Variants in AKAP12 observed in about 807,000 individuals in gnomAD.
AKAP12 encodes A-kinase anchoring protein 12.
Under a neutral mutation model 79.9 loss-of-function variants are expected in AKAP12, and 32 were observed. The ratio of observed to expected loss-of-function variants is 0.40; its 90% CI spans 0.30 to 0.54. The LOEUF is 0.54. AKAP12 is among the 20% of genes least tolerant of loss of function. The pLI is 0.48. For synonymous variants in AKAP12, 808 were observed against 857.0 expected (o/e 0.94, Z 1.00); for missense variants, 2,074 against 2,177.0 (o/e 0.95, Z 0.94).
intron 3 of AKAP12, among the ~76,000 whole-genome samples, chr6:151,321,110 C>A (rs1777372710): frequency 6.6e-6 from 1 of 152,040 alleles, no homozygotes. Flanking sequence ...CCTCAGCCTC[C>A]CGAGTAGCTG....
chr6:151,240,213 C>T (rs1216198713), intron 1 of AKAP12, among the ~76,000 whole-genome samples, 154 bp downstream of exon 1: 2 of 151,842 alleles, frequency 1.3e-5, no homozygotes, highest in Non-Finnish European at 2.9e-5. Context: ...TGGGCGGCTG[C>T]CTGGACCTGG....
chr6:151,241,306 A>T (rs1333632966), intron 2 of AKAP12, among the ~76,000 whole-genome samples: 1 of 152,232 alleles, frequency 6.6e-6, no homozygotes, highest in Non-Finnish European at 1.5e-5. Context: ...AGGCAGAGAA[A>T]GCCTGGGGTG....
chr6:151,317,936 C>T (rs897526218), intron 3 of AKAP12, among the ~76,000 whole-genome samples: 28 of 152,318 alleles, frequency 1.8e-4, no homozygotes, highest in Admixed American at 1.6e-3. Flanking sequence ...TAGTGTCCAA[C>T]CAAATAGTCA....
chr6:151,243,756 G>A (rs1287632196), intron 2 of AKAP12, among the ~76,000 whole-genome samples: 1 of 152,172 alleles, frequency 6.6e-6, no homozygotes, highest in African/African-American at 2.4e-5. Context: ...AGACATGGCC[G>A]TTTCACAACT....
In AKAP12 at chr6:151,260,400, G is replaced by A. The variant is rs551969782; in HGVS notation, c.162+19676G>A. On this transcript the variant is annotated intron_variant, in intron 2 of 4. Transcript: ENST00000402676. ...GGGTATGATGAGATCACTGCAGTGT[G>A]ACAGGGGCCTTGGCTATGCTGCCGA... Among the ~76,000 whole-genome samples the A allele has an allele frequency of 2.0e-5, 3 of 152,310 alleles. No homozygotes were observed. The South Asian group carries it at 6.2e-4, about 32-fold the overall frequency.
intron 3 of AKAP12, 30 bp from the exon 4 acceptor site, chr6:151,348,681 C>CTCCCG: frequency 4.6e-6 from 1 of 218,350 alleles, no homozygotes; most frequent in South Asian, 5.0e-5. Flanking sequence ...TTTCTCTTCT[C>CTCCCG]CCCACCCCCC....
rs774562431 is a variant in AKAP12 at position 151,350,543 on chromosome 6, G to A, written c.2152G>A (p.Gly718Arg). 6 of 1,614,120 alleles carry A rather than the reference G, an allele frequency of 3.7e-6. No homozygotes were observed. The highest frequency in any genetic ancestry group is 2.2e-5 in the East Asian group (1 of 44,876). The change falls in exon 4 of 5, where the codon GGA (glycine) becomes AGA (arginine). Residue 718 changes from glycine to arginine, a missense_variant. Gly to Arg is a moderately radical substitution (Grantham distance 125, BLOSUM62 -2). This residue lies in a region of AKAP12 where 1,428 missense variants were observed against 1,451.0 expected (regional missense o/e 0.98). Transcript: ENST00000402676. This position sits in a 1 kb window ranked among gnomAD's most constrained non-coding sequence, Gnocchi z 4.8. ...AGACCACCAGAAAGCTGATGAGGCCGGAAAAGACAAAGAGACGGGGACAGA... is the reference window on the plus strand; with the variant it reads ...AGACCACCAGAAAGCTGATGAGGCCAGAAAAGACAAAGAGACGGGGACAGA... ...GGDHQKADEAGKDKETGTDGI... is the reference protein window; with the variant it reads ...GGDHQKADEARKDKETGTDGI...
chr6:151,294,745 C>T (rs1010715445), intron 2 of AKAP12, among the ~76,000 whole-genome samples: 1 of 152,174 alleles, frequency 6.6e-6, no homozygotes, highest in African/African-American at 2.4e-5. Flanking sequence ...AACATACTTT[C>T]CCAGAGAACT....
chr6:151,300,241 G>C (rs1776832286), intron 2 of AKAP12, among the ~76,000 whole-genome samples: 1 of 152,108 alleles, frequency 6.6e-6, no homozygotes, highest in Non-Finnish European at 1.5e-5. Flanking sequence ...GATCATTTGT[G>C]GGTGTGTCCT....
intron 3 of AKAP12, chr6:151,324,934 G>A: frequency 1.0e-6 from 1 of 985,426 alleles, no homozygotes; most frequent in Non-Finnish European, 1.2e-6. Flanking sequence ...TTGCATGTTA[G>A]AGATATGATA....
At chr6:151,268,960 T>G (rs969921352) in intron 2 of AKAP12, among the ~76,000 whole-genome samples, 65 of 98,482 alleles carry the variant, frequency 6.6e-4, no homozygotes, top group East Asian at 1.0e-3. Flanking sequence ...TTTTTTTTTT[T>G]TTTTTTTTTT....
At chr6:151,355,438 G>T (rs1562757969) in intron 4 of AKAP12, among the ~76,000 whole-genome samples, 1 of 151,120 alleles carries the variant, frequency 6.6e-6, no homozygotes, top group Non-Finnish European at 1.5e-5. Flanking sequence ...GAATAGCAGG[G>T]ACTATAGGTG....
rs1796993810 is a variant in AKAP12, at chr6:151,242,278, T to G, written c.162+1554T>G. The stretch of plus-strand genomic sequence containing the variant: ...ATCTTACTAACTGTTCACCCTGAAA[T>G]ATGGGATTTAATCCCTTCCCAGTAA... On this transcript the variant is annotated intron_variant, in intron 2 of 4. Transcript: ENST00000402676. Among the ~76,000 whole-genome samples the G allele has an allele frequency of 2.0e-5, 3 of 152,178 alleles. No individual in the cohort carries two copies. In the South Asian group the frequency reaches 6.2e-4, roughly 32 times the overall value.
chr6:151,300,659 T>G (rs1410676528), intron 2 of AKAP12, among the ~76,000 whole-genome samples: 2 of 152,128 alleles, frequency 1.3e-5, no homozygotes, highest in African/African-American at 4.8e-5. Flanking sequence ...CATTCTTGGT[T>G]GTTGTTCTTA....
intron 3 of AKAP12, among the ~76,000 whole-genome samples, chr6:151,340,006 G>A (rs2128948): frequency 0.11 from 16,124 of 151,432 alleles, 1,349 homozygotes; most frequent in African/African-American, 0.23. Flanking sequence ...AGCTCACTGC[G>A]AGCCCCGTCT....
chr6:151,342,393 T>C (rs1777975470), intron 3 of AKAP12, among the ~76,000 whole-genome samples: 1 of 152,140 alleles, frequency 6.6e-6, no homozygotes. Flanking sequence ...CCTGCCAGAC[T>C]AGGTAGGTTA....
At chr6:151,299,848 C>CA (rs992810800) in intron 2 of AKAP12, among the ~76,000 whole-genome samples, 1 of 151,668 alleles carries the variant, frequency 6.6e-6, no homozygotes, top group African/African-American at 2.4e-5. Flanking sequence ...AGGCTGGTCT[C>CA]AAACTCCTGG....
At chr6:151,335,018 T>C (rs958188665) in intron 3 of AKAP12, among the ~76,000 whole-genome samples, 1 of 152,188 alleles carries the variant, frequency 6.6e-6, no homozygotes, top group Non-Finnish European at 1.5e-5. Flanking sequence ...AATACTGCCC[T>C]CTTCTGTCCA....
At chr6:151,346,476 C>A (rs1170077396) in intron 3 of AKAP12, among the ~76,000 whole-genome samples, 1 of 152,216 alleles carries the variant, frequency 6.6e-6, no homozygotes, top group Non-Finnish European at 1.5e-5. Flanking sequence ...AGTTGTTTTG[C>A]AGAATGCCCT....
Sources: gnomAD v4.1 joint callset for allele counts (sites outside exome capture counted in the v4.1 genomes callset) on GRCh38, gnomAD v4.1.1 for gene constraint, gnomAD v4.1.1 regional missense constraint, Gnocchi (gnomAD v3.1) non-coding constraint, MANE v1.5 for transcripts, NCBI Gene and HGNC (gene_info 2026-07-23, HGNC 2026-07-21) for gene names.